The following GOLIM4 variants were observed in gnomAD, a reference collection of about 807,000 sequenced individuals.
GOLIM4 encodes golgi integral membrane protein 4.
A neutral mutation model predicts 107.4 loss-of-function variants in GOLIM4; 71 were observed. The ratio of observed to expected loss-of-function variants is 0.66; its 90% CI spans 0.55 to 0.81. The LOEUF is 0.81. Ranked by LOEUF, GOLIM4 falls within the 30% of genes least tolerant of loss-of-function variation. The probability of loss-of-function intolerance (pLI) is 0.00; values close to 1 mark genes in which losing one functional copy is unlikely to be tolerated. For missense variants in GOLIM4, 830 were observed against 826.1 expected (o/e 1.00, Z -0.06); for synonymous variants, 327 against 294.8 (o/e 1.11, Z -1.12).
intron 1 of GOLIM4, among the ~76,000 whole-genome samples, chr3:168,074,829 A>C (rs189067626): frequency 2.6e-5 from 4 of 152,276 alleles, no homozygotes; most frequent in Non-Finnish European, 1.5e-5. Context: ...TATATGAAAA[A>C]CTTATCCATG....
chr3:168,080,658 A>G (rs1345091714), intron 1 of GOLIM4, among the ~76,000 whole-genome samples: 1 of 152,220 alleles, frequency 6.6e-6, no homozygotes, highest in Non-Finnish European at 1.5e-5. Context: ...AATCAATGGC[A>G]GTGGGAGTTT....
At chr3:168,071,406 C>T (rs1720822306) in intron 1 of GOLIM4, among the ~76,000 whole-genome samples, 1 of 152,072 alleles carries the variant, frequency 6.6e-6, no homozygotes, top group Non-Finnish European at 1.5e-5. Flanking sequence ...AGAATCTTAG[C>T]ACTGCTCTCT....
intron 3 of GOLIM4, among the ~76,000 whole-genome samples, chr3:168,045,728 T>C (rs9290332): frequency 0.064 from 9,807 of 152,226 alleles, 1,018 homozygotes; most frequent in African/African-American, 0.22. Flanking sequence ...ATATTTTTAT[T>C]AAAAACTTCT....
rs567454227 is a variant in GOLIM4 at position 168,075,462 on chromosome 3, A to G, written c.187+19637T>C. ...CAGGCACCCGCCACTACGCCCGGCT[A>G]ATTTTTTTTGTATTTTTAGTAGAGA... On this transcript the variant is annotated intron_variant, in intron 1 of 15. Coordinates refer to ENST00000470487, the MANE Select transcript of GOLIM4 (RefSeq NM_014498.5). Among the ~76,000 whole-genome samples, 1,171 of 151,418 alleles carry G rather than the reference A, an allele frequency of 7.7e-3. 19 individuals carry two copies. Among genetic ancestry groups the G allele is most frequent in the African/African-American group, 0.027 (1,116 of 41,210 alleles).
chr3:168,037,477 C>T (rs936968801), intron 7 of GOLIM4, among the ~76,000 whole-genome samples: 1 of 150,994 alleles, frequency 6.6e-6, no homozygotes, highest in African/African-American at 2.5e-5. Flanking sequence ...CACACAAACA[C>T]ACACACATAT....
chr3:168,076,033 A>C (rs1027978145), intron 1 of GOLIM4, among the ~76,000 whole-genome samples: 1 of 152,224 alleles, frequency 6.6e-6, no homozygotes. Flanking sequence ...ATGAATGTGC[A>C]ACTTGAAAAG....
chr3:168,016,834 T>C (rs866009984), intron 14 of GOLIM4, among the ~76,000 whole-genome samples: 15 of 140,754 alleles, frequency 1.1e-4, no homozygotes, highest in Middle Eastern at 6.9e-3. Flanking sequence ...TAGGTGGGAA[T>C]TGAACAATGA....
chr3:168,073,240 G>C (rs944245269), intron 1 of GOLIM4, among the ~76,000 whole-genome samples: 1 of 152,182 alleles, frequency 6.6e-6, no homozygotes, highest in African/African-American at 2.4e-5. Flanking sequence ...CTTACCAATA[G>C]GACTTCTTGA....
chr3:168,037,038 C>T, intron 7 of GOLIM4, 44 bp from the exon 8 acceptor site: 2 of 1,432,134 alleles, frequency 1.4e-6, no homozygotes. Context: ...CTATGAATGC[C>T]CATTCATAGA....
intron 8 of GOLIM4, among the ~76,000 whole-genome samples, chr3:168,033,831 C>G (rs1718487297): frequency 2.0e-5 from 3 of 151,660 alleles, no homozygotes; most frequent in Admixed American, 1.3e-4. Context: ...TCAGAATAAC[C>G]CTCCTCTAAA....
chr3:168,069,040 T>C (rs1720705412), intron 1 of GOLIM4, among the ~76,000 whole-genome samples: 1 of 152,136 alleles, frequency 6.6e-6, no homozygotes, highest in South Asian at 2.1e-4. Context: ...TTTCACCATG[T>C]TGGCTAGGCT....
chr3:168,068,223 T>C (rs559329281), intron 1 of GOLIM4, among the ~76,000 whole-genome samples: 45 of 152,226 alleles, frequency 3.0e-4, no homozygotes, highest in African/African-American at 1.1e-3. Flanking sequence ...GTAAGTAATC[T>C]ATGTAAGATA....
intron 14 of GOLIM4, among the ~76,000 whole-genome samples, chr3:168,013,191 G>A (rs1489975954): frequency 6.6e-6 from 1 of 151,402 alleles, no homozygotes; most frequent in Non-Finnish European, 1.5e-5. Flanking sequence ...AAGGATGGAG[G>A]AAGATCTACC....
intron 1 of GOLIM4, among the ~76,000 whole-genome samples, chr3:168,050,260 C>T (rs1719540117): frequency 1.5e-5 from 2 of 136,552 alleles, no homozygotes; most frequent in African/African-American, 5.8e-5. Context: ...AAGTCCACTG[C>T]TAAAAAGTAA....
chr3:168,075,812 T>C (rs1721060064), intron 1 of GOLIM4, among the ~76,000 whole-genome samples: 2 of 152,216 alleles, frequency 1.3e-5, no homozygotes, highest in Admixed American at 6.5e-5. Flanking sequence ...AAGACCAGTT[T>C]TCAGTTTCTG....
At chr3:168,067,015 A>T (rs1720585583) in intron 1 of GOLIM4, among the ~76,000 whole-genome samples, 1 of 152,220 alleles carries the variant, frequency 6.6e-6, no homozygotes, top group African/African-American at 2.4e-5. Context: ...TATACAACCT[A>T]TCCTCCTACC....
chr3:168,034,670 G>A (rs1158119308), intron 8 of GOLIM4, among the ~76,000 whole-genome samples: 1 of 152,222 alleles, frequency 6.6e-6, no homozygotes, highest in Non-Finnish European at 1.5e-5. Flanking sequence ...TGGTTTGGCT[G>A]TGTCCCCACC....
rs370990568 is a variant in GOLIM4, at chr3:168,029,603, A to G, written c.1433+177T>C. Among the ~76,000 whole-genome samples the G allele has an allele frequency of 2.0e-5, 3 of 152,200 alleles. No individual in the cohort carries two copies. The East Asian group carries it at 5.8e-4, about 29-fold the overall frequency. ...TACCACTTTTGAGCAGAAAAAAAATATTATTTTTAAAATTAAATATTTGGT... is the reference window on the plus strand; with the variant it reads ...TACCACTTTTGAGCAGAAAAAAAATGTTATTTTTAAAATTAAATATTTGGT... On this transcript the variant is annotated intron_variant, in intron 10 of 15. Coordinates refer to ENST00000470487, the MANE Select transcript of GOLIM4 (RefSeq NM_014498.5).
chr3:168,032,207 G>A (rs1718369345), intron 9 of GOLIM4, among the ~76,000 whole-genome samples: 1 of 152,080 alleles, frequency 6.6e-6, no homozygotes, highest in African/African-American at 2.4e-5. Flanking sequence ...AGCTGGGAAG[G>A]TGCCCCATCA....
Sources: gnomAD v4.1 joint callset for allele counts (sites outside exome capture counted in the v4.1 genomes callset) on GRCh38, gnomAD v4.1.1 for gene constraint, MANE v1.5 for transcripts, NCBI Gene and HGNC (gene_info 2026-07-23, HGNC 2026-07-21) for gene names.